The following SLC44A5 variants were observed in gnomAD, a reference collection of about 807,000 sequenced individuals.
SLC44A5 encodes the protein solute carrier family 44 member 5.
A neutral mutation model predicts 101.8 loss-of-function variants in SLC44A5; 57 were observed. The ratio of observed to expected loss-of-function variants is 0.56; its 90% confidence interval spans 0.45 to 0.70. The LOEUF is 0.70. Among genes scored for constraint, SLC44A5 ranks in the 30% least tolerant of loss-of-function variants. The probability of loss-of-function intolerance (pLI) is 0.00; values close to 1 mark genes in which losing one functional copy is unlikely to be tolerated. For missense variants in SLC44A5, 737 were observed against 853.1 expected (o/e 0.86, Z 1.70); for synonymous variants, 281 against 290.9 (o/e 0.97, Z 0.35).
At chr1:75,519,919 A>G (rs578236203) in intron 2 of SLC44A5, among the ~76,000 whole-genome samples, 1 of 152,384 alleles carries the variant, frequency 6.6e-6, no homozygotes, top group South Asian at 2.1e-4. Context: ...ACAGTGTGGA[A>G]TAATCTTGAG....
At chr1:75,466,603 C>T (rs1208656998) in intron 2 of SLC44A5, among the ~76,000 whole-genome samples, 5 of 148,654 alleles carry the variant, frequency 3.4e-5, no homozygotes, top group Non-Finnish European at 7.4e-5. Flanking sequence ...TGGCAGTGAG[C>T]CGAGATTGTG....
chr1:75,349,326 G>A (rs755311673), intron 3 of SLC44A5, among the ~76,000 whole-genome samples: 2 of 152,042 alleles, frequency 1.3e-5, no homozygotes, highest in East Asian at 1.9e-4. Flanking sequence ...GAAACAGAGC[G>A]AGACTCCATC....
intron 2 of SLC44A5, among the ~76,000 whole-genome samples, chr1:75,403,112 C>A (rs1570155886): frequency 6.6e-6 from 1 of 152,196 alleles, no homozygotes; most frequent in East Asian, 1.9e-4. Flanking sequence ...CACCACAGCA[C>A]TGCAAAGACA....
In SLC44A5 at chr1:75,296,986, C is replaced by T. The variant is rs183826523; in HGVS notation, c.175+3626G>A. Among the ~76,000 whole-genome samples, 455 of 152,300 alleles carry T rather than the reference C, an allele frequency of 3.0e-3. 2 individuals are homozygous for T. The highest frequency in any genetic ancestry group is 6.2e-3 in the Admixed American group (95 of 15,296). On this transcript the variant is annotated intron_variant, in intron 5 of 23. Coordinates refer to ENST00000370859, the MANE Select transcript of SLC44A5 (RefSeq NM_001130058.2). ...AACCCAACTGGGCTGATAGTGGACA[C>T]TAATTATCCCTGGGAGCCCAGCTGA... is the stretch of plus-strand genomic sequence containing the variant.
intron 1 of SLC44A5, among the ~76,000 whole-genome samples, chr1:75,570,414 T>A (rs1673012490): frequency 6.6e-6 from 1 of 151,978 alleles, no homozygotes; most frequent in Non-Finnish European, 1.5e-5. Context: ...AGGCTAAACC[T>A]CAGGAATGGT....
chr1:75,617,276 T>C, the SLC44A5 span, among the ~76,000 whole-genome samples: 1 of 152,034 alleles, frequency 6.6e-6, no homozygotes, highest in Admixed American at 6.6e-5. Flanking sequence ...TTAGTACAGT[T>C]CCCAGCCCAA....
the SLC44A5 span, chr1:75,642,147 T>C: frequency 1.2e-6 from 1 of 805,134 alleles, no homozygotes; most frequent in African/African-American, 1.8e-5. Flanking sequence ...TGCCTGTAAA[T>C]AAATAGCATC....
At chr1:75,461,862 G>A (rs1270525939) in intron 2 of SLC44A5, among the ~76,000 whole-genome samples, 2 of 152,168 alleles carry the variant, frequency 1.3e-5, no homozygotes, top group African/African-American at 4.8e-5. Flanking sequence ...GGGAAAAATG[G>A]AAAGTACAAT....
At chr1:75,413,807 T>C (rs1398580067) in intron 2 of SLC44A5, among the ~76,000 whole-genome samples, 1 of 152,196 alleles carries the variant, frequency 6.6e-6, no homozygotes, top group Non-Finnish European at 1.5e-5. Flanking sequence ...ATTCTGAGAA[T>C]ACTCTGTTCC....
chr1:75,414,611 A>G (rs773815468), intron 2 of SLC44A5, among the ~76,000 whole-genome samples: 2 of 152,306 alleles, frequency 1.3e-5, no homozygotes, highest in East Asian at 3.9e-4. Context: ...TAAGTGCTAT[A>G]AATGTGTAAA....
chr1:75,477,403 G>A (rs550298060), intron 2 of SLC44A5, among the ~76,000 whole-genome samples: 1 of 152,232 alleles, frequency 6.6e-6, no homozygotes, highest in African/African-American at 2.4e-5. Flanking sequence ...AAGCTGTACG[G>A]AGAATGACTT....
chr1:75,402,389 T>C, intron 2 of SLC44A5: 1 of 373,820 alleles, frequency 2.7e-6, no homozygotes, highest in Non-Finnish European at 5.6e-6. Context: ...CTACAAGAGG[T>C]GGCTGGCAAG....
At position 75,464,010 on chromosome 1, in the gene SLC44A5, C is replaced by T. The variant is rs574923228; in HGVS notation, c.14-67389G>A. Reference sequence around the variant, plus strand: ...GGCCAAGGCAGGAGGTTTATGAGGTCAGGAAATCAAGATCATCCTGGCTAA... The same window carrying T: ...GGCCAAGGCAGGAGGTTTATGAGGTTAGGAAATCAAGATCATCCTGGCTAA... On this transcript the variant is annotated intron_variant, in intron 2 of 23. Coordinates refer to ENST00000370859, the MANE Select transcript of SLC44A5 (RefSeq NM_001130058.2). 6.6e-5 allele frequency among the ~76,000 whole-genome samples: 10 copies of T among 152,068 alleles called. No individual in the cohort carries two copies. The South Asian group carries it at 2.1e-3, about 32-fold the overall frequency.
At chr1:75,464,617 G>GA (rs943328881) in intron 2 of SLC44A5, among the ~76,000 whole-genome samples, 1 of 151,428 alleles carries the variant, frequency 6.6e-6, no homozygotes, top group African/African-American at 2.4e-5. Context: ...GAATGGATGG[G>GA]AAAAAAAAGA....
At chr1:75,500,677 G>A (rs146093732) in intron 2 of SLC44A5, among the ~76,000 whole-genome samples, 2 of 152,246 alleles carry the variant, frequency 1.3e-5, no homozygotes, top group East Asian at 3.9e-4. Flanking sequence ...AACACTCTGA[G>A]GTTCCTTTGT....
chr1:75,600,126 G>T (rs1674886390), intron 1 of SLC44A5, among the ~76,000 whole-genome samples: 1 of 152,140 alleles, frequency 6.6e-6, no homozygotes, highest in African/African-American at 2.4e-5. Context: ...TGGCAGCAGA[G>T]ATAGAGAAAA....
chr1:75,623,440 A>G, the SLC44A5 span, among the ~76,000 whole-genome samples: 1 of 152,114 alleles, frequency 6.6e-6, no homozygotes, highest in Non-Finnish European at 1.5e-5. Context: ...CTAAATTCCA[A>G]ACTGACCAAG....
chr1:75,590,760 C>G (rs530483780), intron 1 of SLC44A5, among the ~76,000 whole-genome samples: 1 of 152,152 alleles, frequency 6.6e-6, no homozygotes, highest in African/African-American at 2.4e-5. Flanking sequence ...CTACATCTTG[C>G]AGTTTGAGTG....
chr1:75,390,619 C>G (rs1416069069), intron 3 of SLC44A5, among the ~76,000 whole-genome samples: 1 of 151,974 alleles, frequency 6.6e-6, no homozygotes, highest in Non-Finnish European at 1.5e-5. Context: ...ATCCAATATC[C>G]CTTCATAATA....
Sources: allele counts gnomAD v4.1 joint callset (sites outside exome capture counted in the v4.1 genomes callset), GRCh38; gene constraint gnomAD v4.1.1; transcripts MANE v1.5; gene names NCBI Gene and HGNC (gene_info 2026-07-23, HGNC 2026-07-21).